The following ZNF423 variants were observed in gnomAD, a reference collection of about 807,000 sequenced individuals.
The protein encoded by ZNF423 is zinc finger protein 423, also known as Ebf-associated zinc finger protein.
Under a neutral mutation model 95.8 loss-of-function variants are expected in ZNF423, and 12 were observed. That is an observed-to-expected ratio of 0.13 (90% CI 0.08 to 0.20). ZNF423 has a LOEUF of 0.20. Ranked by LOEUF, ZNF423 falls within the 10% of genes least tolerant of loss-of-function variation. ZNF423 has a pLI of 1.00. For synonymous variants in ZNF423, 749 were observed against 711.9 expected (o/e 1.05, Z -0.83); for missense variants, 1,316 against 1,737.1 (o/e 0.76, Z 4.31).
At chr16:49,620,379 A>G (rs1181367291) in intron 5 of ZNF423, among the ~76,000 whole-genome samples, 1 of 152,186 alleles carries the variant, frequency 6.6e-6, no homozygotes, top group Non-Finnish European at 1.5e-5. Flanking sequence ...GAGCCTGGGC[A>G]GGAGGCAGGA....
chr16:49,720,567 T>C (rs113894881), intron 3 of ZNF423, among the ~76,000 whole-genome samples: 35 of 152,338 alleles, frequency 2.3e-4, no homozygotes, highest in African/African-American at 6.0e-4. Context: ...GGTTCTGCCA[T>C]TGTTTCAACC....
chr16:49,684,479 T>C (rs886920288), intron 3 of ZNF423, among the ~76,000 whole-genome samples: 3 of 152,220 alleles, frequency 2.0e-5, no homozygotes, highest in Admixed American at 2.0e-4. Flanking sequence ...AATGGGTCTA[T>C]GGTGGGTGCC....
intron 3 of ZNF423, among the ~76,000 whole-genome samples, chr16:49,698,831 A>C (rs2032069190): frequency 6.6e-6 from 1 of 152,246 alleles, no homozygotes; most frequent in Non-Finnish European, 1.5e-5. Flanking sequence ...AACCTTCTGA[A>C]GAGAAGAAAG....
intron 5 of ZNF423, among the ~76,000 whole-genome samples, chr16:49,546,192 G>T (rs1456841052): frequency 3.3e-5 from 5 of 152,066 alleles, no homozygotes. Context: ...ACATTGCCCA[G>T]CATCTTGCAC....
At chr16:49,757,740 C>T (rs1282874976) in intron 2 of ZNF423, among the ~76,000 whole-genome samples, 2 of 152,204 alleles carry the variant, frequency 1.3e-5, no homozygotes, top group African/African-American at 4.8e-5. Flanking sequence ...AAGACAAACA[C>T]CCCACGTGCC....
Position 49,492,174 on chromosome 16 carries a change from C to A in ZNF423, c.3850-870G>T, listed in dbSNP as rs893196292. ...GCATCTGAAAGCCGTCTTTTTGTTT[C>A]TTTTCAGTGGTTCGTGTTCCAAATT... On this transcript the variant is annotated intron_variant, in intron 7 of 7. Coordinates refer to ENST00000563137, the MANE Select transcript of ZNF423 (RefSeq NM_001379286.1). The surrounding 1 kb of genome is among the most constrained non-coding windows in gnomAD (Gnocchi z 4.2). Among the ~76,000 whole-genome samples, 6 of 152,218 alleles carry A rather than the reference C, an allele frequency of 3.9e-5. No individual in the cohort carries two copies. The highest frequency in any genetic ancestry group is 6.5e-5 in the Admixed American group (1 of 15,288).
intron 5 of ZNF423, among the ~76,000 whole-genome samples, chr16:49,536,026 A>C (rs1969044017): frequency 6.6e-6 from 1 of 152,244 alleles, no homozygotes; most frequent in Admixed American, 6.5e-5. Context: ...TACTGCCGAC[A>C]TCATTTTTTG....
chr16:49,531,294 A>G (rs1968835815), intron 5 of ZNF423, among the ~76,000 whole-genome samples: 1 of 151,586 alleles, frequency 6.6e-6, no homozygotes, highest in African/African-American at 2.4e-5. Context: ...ATCTAGTATC[A>G]GGTCAAGTCC....
intron 3 of ZNF423, among the ~76,000 whole-genome samples, chr16:49,719,282 C>G (rs1293012813): frequency 3.9e-5 from 6 of 152,292 alleles, no homozygotes; most frequent in African/African-American, 9.6e-5. Context: ...AGCAGCTCCA[C>G]GTGACGGGCC....
chr16:49,722,727 C>G (rs561026633), intron 3 of ZNF423, among the ~76,000 whole-genome samples: 1 of 152,228 alleles, frequency 6.6e-6, no homozygotes, highest in African/African-American at 2.4e-5. Flanking sequence ...CTCCTTAGCC[C>G]CAAGAACAAA....
At chr16:49,850,162 C>T (rs2035287892) in intron 1 of ZNF423, among the ~76,000 whole-genome samples, 1 of 152,178 alleles carries the variant, frequency 6.6e-6, no homozygotes, top group African/African-American at 2.4e-5. Flanking sequence ...GCCACCGATC[C>T]TGGCAGGTAA....
intron 5 of ZNF423, among the ~76,000 whole-genome samples, chr16:49,611,232 C>G (rs1006377165): frequency 2.0e-5 from 3 of 151,980 alleles, no homozygotes; most frequent in African/African-American, 4.8e-5. Context: ...GAACAAATAC[C>G]AAGACAGACC....
chr16:49,590,026 G>A (rs1430098191), intron 5 of ZNF423, among the ~76,000 whole-genome samples: 1 of 85,000 alleles, frequency 1.2e-5, no homozygotes, highest in Non-Finnish European at 2.5e-5. Flanking sequence ...AGGGGAAGTG[G>A]CGAATATATA....
At chr16:49,770,549 G>T (rs2143704479) in intron 2 of ZNF423, among the ~76,000 whole-genome samples, 1 of 152,250 alleles carries the variant, frequency 6.6e-6, no homozygotes, top group South Asian at 2.1e-4. Context: ...TGAAGGGCAG[G>T]ATAGGGGTTC....
intron 7 of ZNF423, among the ~76,000 whole-genome samples, chr16:49,519,167 C>T (rs1968281586): frequency 6.6e-6 from 1 of 152,190 alleles, no homozygotes; most frequent in African/African-American, 2.4e-5. Context: ...CACATGACCC[C>T]ATCTGTTACC....
chr16:49,670,642 C>G (rs1171004891), intron 3 of ZNF423, among the ~76,000 whole-genome samples: 1 of 152,122 alleles, frequency 6.6e-6, no homozygotes, highest in Non-Finnish European at 1.5e-5. Context: ...GGGGACGCCT[C>G]TGTTGGGGAC....
intron 5 of ZNF423, among the ~76,000 whole-genome samples, chr16:49,609,670 A>C (rs1971657407): frequency 6.6e-6 from 1 of 152,150 alleles, no homozygotes; most frequent in South Asian, 2.1e-4. Flanking sequence ...AGAATAATAA[A>C]AATCACCCAG....
At chr16:49,614,576 T>C (rs986497464) in intron 5 of ZNF423, among the ~76,000 whole-genome samples, 2 of 152,178 alleles carry the variant, frequency 1.3e-5, no homozygotes, top group South Asian at 4.1e-4. Context: ...GAAGTGTCTA[T>C]GGCTATAAAA....
chr16:49,790,343 T>A (rs2034392107), intron 1 of ZNF423, among the ~76,000 whole-genome samples: 1 of 152,250 alleles, frequency 6.6e-6, no homozygotes. Flanking sequence ...ACTGTCGATG[T>A]TCTTGCTGGC....
Sources: allele counts gnomAD v4.1 joint callset (sites outside exome capture counted in the v4.1 genomes callset), GRCh38; gene constraint gnomAD v4.1.1; non-coding constraint Gnocchi (gnomAD v3.1); transcripts MANE v1.5; gene names NCBI Gene and HGNC (gene_info 2026-07-23, HGNC 2026-07-21).